Variants in CNTNAP5 observed in about 807,000 individuals in gnomAD.
CNTNAP5 encodes contactin-associated protein-like 5.
A neutral mutation model predicts 150.2 loss-of-function variants in CNTNAP5; 72 were observed. The ratio of observed to expected loss-of-function variants is 0.48; its 90% CI spans 0.40 to 0.58. The LOEUF (loss-of-function observed/expected upper bound fraction) is 0.58. CNTNAP5 is among the 20% of genes least tolerant of loss of function. The probability of loss-of-function intolerance (pLI) is 0.00; values close to 1 mark genes in which losing one functional copy is unlikely to be tolerated. For synonymous variants in CNTNAP5, 672 were observed against 619.8 expected (o/e 1.08, Z -1.25); for missense variants, 1,636 against 1,626.2 (o/e 1.01, Z -0.10).
rs140344135 is a variant in CNTNAP5 at position 124,182,153 on chromosome 2, G to A, written c.83-39552G>A. Among the ~76,000 whole-genome samples the A allele has an allele frequency of 1.1e-3, 161 of 152,150 alleles. 2 individuals are homozygous for A. Among genetic ancestry groups the A allele is most frequent in the African/African-American group, 3.5e-3 (147 of 41,538 alleles). On this transcript the variant is annotated intron_variant, in intron 1 of 23. Coordinates refer to ENST00000682447, the MANE Select transcript of CNTNAP5 (RefSeq NM_001367498.1). ...TCTCACAATAATCAGAATTGGGAGC[G>A]CACTTTTAGCCATTACATTAATCTA...
chr2:124,509,599 T>A (rs1402190741), intron 8 of CNTNAP5, among the ~76,000 whole-genome samples: 3 of 152,230 alleles, frequency 2.0e-5, no homozygotes, highest in Non-Finnish European at 4.4e-5. Flanking sequence ...TGAATTTAAG[T>A]TAAAGTAGCC....
intron 12 of CNTNAP5, among the ~76,000 whole-genome samples, chr2:124,617,740 T>G (rs2104992696): frequency 6.6e-6 from 1 of 152,210 alleles, no homozygotes; most frequent in Non-Finnish European, 1.5e-5. Flanking sequence ...ATTATTTCAG[T>G]CTTCTTCACA....
intron 3 of CNTNAP5, among the ~76,000 whole-genome samples, chr2:124,388,996 G>A (rs1392449620): frequency 6.6e-6 from 1 of 152,106 alleles, no homozygotes; most frequent in Non-Finnish European, 1.5e-5. Context: ...GAACCAAAGC[G>A]GCTGAACGAT....
In CNTNAP5 at chr2:124,576,174, A is replaced by C. The variant is rs74516050; in HGVS notation, c.1756+12851A>C. ...TCTATATCTATATCTATATCTATAT[A>C]TATGTGCAGAAAACATGAAAAGGAG... On this transcript the variant is annotated intron_variant, in intron 11 of 23. Coordinates refer to ENST00000682447, the MANE Select transcript of CNTNAP5 (RefSeq NM_001367498.1). Among the ~76,000 whole-genome samples the C allele has an allele frequency of 7.7e-3, 1,106 of 144,306 alleles. 8 individuals carry two copies. Among genetic ancestry groups the C allele is most frequent in the Middle Eastern group, 0.018 (5 of 276 alleles). 94.7% of individuals were successfully genotyped at this position (144,306 alleles called of 152,430 possible).
At chr2:124,394,344 C>T (rs1691193257) in intron 3 of CNTNAP5, among the ~76,000 whole-genome samples, 2 of 145,624 alleles carry the variant, frequency 1.4e-5, no homozygotes, top group South Asian at 4.4e-4. Context: ...TGCACTCCAG[C>T]CTGGGTGACA....
At chr2:124,718,316 C>T (rs573387197) in intron 13 of CNTNAP5, among the ~76,000 whole-genome samples, 1 of 152,298 alleles carries the variant, frequency 6.6e-6, no homozygotes, top group Non-Finnish European at 1.5e-5. Flanking sequence ...GTTCCTATTT[C>T]TGTTTCATTA....
chr2:124,780,249 C>T (rs928440367), intron 17 of CNTNAP5, among the ~76,000 whole-genome samples: 1 of 152,098 alleles, frequency 6.6e-6, no homozygotes, highest in Non-Finnish European at 1.5e-5. Context: ...GAATGGCAAG[C>T]AAAAGACTGT....
chr2:124,074,919 A>G (rs1682402130), intron 1 of CNTNAP5, among the ~76,000 whole-genome samples: 1 of 152,004 alleles, frequency 6.6e-6, no homozygotes, highest in Non-Finnish European at 1.5e-5. Flanking sequence ...GTGCTATTCC[A>G]TTTTACGTAG....
At chr2:124,510,862 C>A (rs1267461221) in intron 8 of CNTNAP5, among the ~76,000 whole-genome samples, 3 of 152,118 alleles carry the variant, frequency 2.0e-5, no homozygotes, top group East Asian at 1.9e-4. Flanking sequence ...GGACTGTGAA[C>A]CTTATCTGAA....
At chr2:124,240,124 C>T (rs1022003937) in intron 2 of CNTNAP5, among the ~76,000 whole-genome samples, 9 of 152,114 alleles carry the variant, frequency 5.9e-5, no homozygotes, top group South Asian at 2.1e-4. Context: ...GGAGATAATG[C>T]TATTTACTTA....
intron 3 of CNTNAP5, among the ~76,000 whole-genome samples, chr2:124,357,035 C>T (rs370160701): frequency 6.6e-6 from 1 of 152,280 alleles, no homozygotes; most frequent in Non-Finnish European, 1.5e-5. Context: ...TGTGGTTTTG[C>T]TTTGCATTTC....
At chr2:124,744,087 G>C (rs1573587891) in intron 13 of CNTNAP5, among the ~76,000 whole-genome samples, 1 of 152,066 alleles carries the variant, frequency 6.6e-6, no homozygotes, top group East Asian at 1.9e-4. Context: ...ATATGATAGG[G>C]TTTGGCTGTG....
intron 11 of CNTNAP5, among the ~76,000 whole-genome samples, chr2:124,607,862 G>T (rs1235502644): frequency 6.6e-6 from 1 of 152,106 alleles, no homozygotes; most frequent in Non-Finnish European, 1.5e-5. Context: ...AACACCCAAG[G>T]GCATTATCAG....
intron 2 of CNTNAP5, among the ~76,000 whole-genome samples, chr2:124,235,948 TTTATTTATTTATTTATTTA>T (rs1686735736): frequency 3.5e-5 from 1 of 28,954 alleles, no homozygotes; most frequent in Non-Finnish European, 9.7e-5. Context: ...CACTTATTTA[TTTATTTATTTATTTATTTA>T]TTTATTTATT....
chr2:124,324,365 G>T (rs147839775), intron 3 of CNTNAP5, among the ~76,000 whole-genome samples: 1 of 152,208 alleles, frequency 6.6e-6, no homozygotes, highest in Non-Finnish European at 1.5e-5. Flanking sequence ...CAGAGCCCTT[G>T]TAATGAAATG....
Position 124,821,559 on chromosome 2 carries a change from C to A in CNTNAP5, c.3217+23239C>A, listed in dbSNP as rs545677627. 8.1e-4 allele frequency among the ~76,000 whole-genome samples: 123 copies of A among 152,304 alleles called. 3 individuals are homozygous for A. In the South Asian group the frequency reaches 0.024, roughly 30 times the overall value. On this transcript the variant is annotated intron_variant, in intron 19 of 23. Transcript: ENST00000682447. ...ACTTTGAAAACCACCGCTTTAAGGT[C>A]CATCTCCAGAGTAGAGTGCAATGTA...
intron 3 of CNTNAP5, among the ~76,000 whole-genome samples, chr2:124,402,026 A>G (rs1401671590): frequency 6.6e-6 from 1 of 152,174 alleles, no homozygotes; most frequent in Non-Finnish European, 1.5e-5. Flanking sequence ...GATATAACTG[A>G]TGGTTTAGGA....
chr2:124,192,345 C>T (rs1248700837), intron 1 of CNTNAP5, among the ~76,000 whole-genome samples: 2 of 152,142 alleles, frequency 1.3e-5, no homozygotes, highest in Non-Finnish European at 2.9e-5. Context: ...CTGACCTTCA[C>T]ACCAGCTGCC....
At chr2:124,229,164 T>C (rs564652031) in intron 2 of CNTNAP5, among the ~76,000 whole-genome samples, 30 of 152,094 alleles carry the variant, frequency 2.0e-4, no homozygotes, top group Non-Finnish European at 3.4e-4. Flanking sequence ...AACTCAAACA[T>C]TGAAATAAAG....
Sources: gnomAD v4.1 joint callset for allele counts (sites outside exome capture counted in the v4.1 genomes callset) on GRCh38, gnomAD v4.1.1 for gene constraint, MANE v1.5 for transcripts, NCBI Gene and HGNC (gene_info 2026-07-23, HGNC 2026-07-21) for gene names.